LMO7: variants seen among roughly 807,000 people sequenced by gnomAD.
LMO7 encodes the protein LIM domain 7, also known as LIM domain only protein 7.
A neutral mutation model predicts 206.5 loss-of-function variants in LMO7; 120 were observed. The observed-to-expected ratio is 0.58, with a 90% CI of 0.50 to 0.68. The LOEUF (loss-of-function observed/expected upper bound fraction) is 0.68, where lower values mean the gene tolerates loss of function less well. Ranked by LOEUF, LMO7 falls within the 30% of genes least tolerant of loss-of-function variation. LMO7 has a pLI of 0.00. For missense variants in LMO7, 1,959 were observed against 1,957.9 expected (o/e 1.00, Z -0.01); for synonymous variants, 706 against 681.5 (o/e 1.04, Z -0.56).
chr13:75,816,456 C>T (rs144896223), intron 11 of LMO7, among the ~76,000 whole-genome samples: 1 of 152,314 alleles, frequency 6.6e-6, no homozygotes, highest in Non-Finnish European at 1.5e-5. Context: ...GTGCCTGTGC[C>T]CAACACCCCA....
chr13:75,723,469 A>G (rs1409723407), intron 2 of LMO7, among the ~76,000 whole-genome samples: 1 of 152,216 alleles, frequency 6.6e-6, no homozygotes, highest in African/African-American at 2.4e-5. Flanking sequence ...AAAGGTGTCC[A>G]TAAATTTTGT....
intron 1 of LMO7, among the ~76,000 whole-genome samples, chr13:75,643,519 A>G (rs778812762): frequency 2.6e-5 from 4 of 152,216 alleles, no homozygotes. Flanking sequence ...TGGCCTATTT[A>G]ATTGATGTTT....
At chr13:75,805,863 C>A (rs747703615) in intron 9 of LMO7, 103 bp downstream of exon 9, 202 of 1,250,036 alleles carry the variant, frequency 1.6e-4, no homozygotes, top group Non-Finnish European at 2.1e-4. Flanking sequence ...CAGAGAAAGT[C>A]TAATTAGTTC....
chr13:75,849,171 A>G lies in LMO7; in HGVS notation c.4243A>G (p.Arg1415Gly). The G allele has an allele frequency of 6.2e-7, 1 of 1,613,958 alleles. No homozygotes were observed. The highest frequency in any genetic ancestry group is 1.1e-5 in the South Asian group (1 of 91,070). Reference protein sequence around the residue: ...EQVPSGAELERQQILQEMRKR... With the variant: ...EQVPSGAELEGQQILQEMRKR... ...AGTACCATCAGGAGCAGAATTGGAG[A>G]GGCAACAAATCCTTCAGGAAATGAG... is the stretch of plus-strand genomic sequence containing the variant. Residue 1415 changes from arginine to glycine, a missense_variant, in exon 27 of 31, where the codon AGG (arginine) becomes GGG (glycine). Arg to Gly is a moderately radical substitution (Grantham distance 125, BLOSUM62 -2). Transcript: ENST00000377534.
intron 4 of LMO7, among the ~76,000 whole-genome samples, chr13:75,792,841 T>C (rs2053490915): frequency 1.3e-5 from 2 of 152,210 alleles, no homozygotes; most frequent in Admixed American, 1.3e-4. Context: ...AATGCTCATA[T>C]TTAGAAGGGA....
intron 4 of LMO7, among the ~76,000 whole-genome samples, chr13:75,775,352 A>T (rs1246919931): frequency 3.3e-5 from 5 of 152,170 alleles, no homozygotes; most frequent in African/African-American, 1.2e-4. Flanking sequence ...AAACTATAAA[A>T]ATCCTAGAAG....
At chr13:75,751,348 G>C (rs2047260167) in intron 3 of LMO7, among the ~76,000 whole-genome samples, 1 of 151,764 alleles carries the variant, frequency 6.6e-6, no homozygotes, top group Non-Finnish European at 1.5e-5. Flanking sequence ...TTTTAGTAGA[G>C]ACAGGGTTTC....
intron 3 of LMO7, among the ~76,000 whole-genome samples, chr13:75,743,958 C>A (rs1317157365): frequency 6.6e-6 from 1 of 152,056 alleles, no homozygotes; most frequent in Non-Finnish European, 1.5e-5. Context: ...TATGGATCAC[C>A]ACTTGTAATT....
Position 75,763,849 on chromosome 13 carries a change from G to A in LMO7, c.317+2811G>A, listed in dbSNP as rs76169502. Among the ~76,000 whole-genome samples, 226 of 152,232 alleles carry A rather than the reference G, an allele frequency of 1.5e-3. 1 individual carries two copies. Among genetic ancestry groups the A allele is most frequent in the African/African-American group, 5.0e-3 (207 of 41,558 alleles). Reference sequence around the variant, plus strand: ...TTGAAAATGAGTGGCAATAGCAGAAGCAAGTAAAGAGCTGTTGTTAATGAA... The same window carrying A: ...TTGAAAATGAGTGGCAATAGCAGAAACAAGTAAAGAGCTGTTGTTAATGAA... On this transcript the variant is annotated intron_variant, in intron 4 of 30. Coordinates refer to ENST00000377534, the MANE Select transcript of LMO7 (RefSeq NM_001306080.2).
At chr13:75,791,057 A>T (rs1320685419) in intron 4 of LMO7, among the ~76,000 whole-genome samples, 1 of 151,686 alleles carries the variant, frequency 6.6e-6, no homozygotes, top group African/African-American at 2.4e-5. Flanking sequence ...GCTCACTGCA[A>T]ACTCTGCCTC....
intron 3 of LMO7, among the ~76,000 whole-genome samples, chr13:75,753,846 A>G (rs900130792): frequency 1.3e-5 from 2 of 152,208 alleles, no homozygotes; most frequent in Non-Finnish European, 2.9e-5. Flanking sequence ...TAGCAGCATG[A>G]GAATGAACTA....
At chr13:75,855,484 A>G (rs2060857270) in intron 29 of LMO7, 116 bp downstream of exon 29, 2 of 571,236 alleles carry the variant, frequency 3.5e-6, no homozygotes, top group Non-Finnish European at 6.4e-6. Flanking sequence ...GTATTCGTCC[A>G]TCTGTGCTGC....
chr13:75,761,600 TGG>T (rs1195814034), intron 4 of LMO7, among the ~76,000 whole-genome samples: 1 of 151,984 alleles, frequency 6.6e-6, no homozygotes, highest in African/African-American at 2.4e-5. Flanking sequence ...AAAGTGAAAG[TGG>T]GGGTGAGAAC....
chr13:75,732,625 C>T (rs1316616823), intron 3 of LMO7, among the ~76,000 whole-genome samples: 79 of 152,312 alleles, frequency 5.2e-4, no homozygotes, highest in African/African-American at 7.9e-4. Flanking sequence ...TCTCTCAACT[C>T]GTCAAAGTCA....
chr13:75,709,564 T>C (rs1361655865), intron 1 of LMO7, among the ~76,000 whole-genome samples: 1 of 152,256 alleles, frequency 6.6e-6, no homozygotes, highest in Non-Finnish European at 1.5e-5. Context: ...ATGAGCATTT[T>C]TTCATATGTC....
At position 75,848,989 on chromosome 13, in the gene LMO7, T is replaced by C. The variant is rs1264354691; in HGVS notation, c.4151-90T>C. On this transcript the variant is annotated intron_variant, in intron 26 of 30. Transcript: ENST00000377534. Reference sequence around the variant, plus strand: ...GGTGGTATCACATTATGGTTTTGATTTGCATTTCCCTGATCACTAGTGATG... The same window carrying C: ...GGTGGTATCACATTATGGTTTTGATCTGCATTTCCCTGATCACTAGTGATG... The C allele has an allele frequency of 1.1e-5, 8 of 748,580 alleles. No homozygotes were observed. The Admixed American group carries it at 2.0e-4, about 19-fold the overall frequency. The allele number at this position is 748,580 out of a possible 1,614,324, so 46.4% of individuals were successfully genotyped here.
At chr13:75,678,074 G>A (rs1203778495) in intron 1 of LMO7, among the ~76,000 whole-genome samples, 1 of 152,006 alleles carries the variant, frequency 6.6e-6, no homozygotes, top group Non-Finnish European at 1.5e-5. Context: ...CCAAGTCTTT[G>A]CTATTGTGAA....
At chr13:75,805,958 C>A in intron 9 of LMO7, 198 bp downstream of exon 9, 2 of 1,140,408 alleles carry the variant, frequency 1.8e-6, no homozygotes, top group Non-Finnish European at 1.2e-6. Flanking sequence ...AAGCCCTGTT[C>A]TATACATAGT....
chr13:75,825,688 CTAGGGCAG>C (rs2058055020), intron 15 of LMO7, among the ~76,000 whole-genome samples: 1 of 152,112 alleles, frequency 6.6e-6, no homozygotes, highest in Non-Finnish European at 1.5e-5. Flanking sequence ...TTCTGTGCCA[CTAGGGCAG>C]TAGCTTCTAT....
Sources: allele counts gnomAD v4.1 joint callset (sites outside exome capture counted in the v4.1 genomes callset), GRCh38; gene constraint gnomAD v4.1.1; transcripts MANE v1.5; gene names NCBI Gene and HGNC (gene_info 2026-07-23, HGNC 2026-07-21).